FRMPD4: variants seen among roughly 807,000 people sequenced by gnomAD.
FRMPD4 encodes FERM and PDZ domain containing 4, also known as FERM and PDZ domain-containing protein 4.
Under a neutral mutation model 94.1 loss-of-function variants are expected in FRMPD4, and 22 were observed. The ratio of observed to expected loss-of-function variants is 0.23; its 90% confidence interval spans 0.17 to 0.33. FRMPD4 has a LOEUF of 0.33. Ranked by LOEUF, FRMPD4 falls within the 10% of genes least tolerant of loss-of-function variation. FRMPD4 has a pLI of 1.00. For synonymous variants in FRMPD4, 631 were observed against 548.6 expected (o/e 1.15, Z -2.10); for missense variants, 1,111 against 1,339.9 (o/e 0.83, Z 2.67).
chrX:11,848,215 T>C (rs780957878), intron 1 of FRMPD4, among the ~76,000 whole-genome samples: 2 of 111,047 alleles, frequency 1.8e-5, no homozygotes, highest in Non-Finnish European at 1.9e-5. Context: ...TCTCTTTTGA[T>C]TTGTTTTGTT....
At chrX:12,677,631 A>G (rs1720241106) in intron 5 of FRMPD4, among the ~76,000 whole-genome samples, 1 of 112,164 alleles carries the variant, frequency 8.9e-6, no homozygotes, top group Admixed American at 9.5e-5. Context: ...TTAGCATTTT[A>G]ATTTCTTTTG....
rs187088708 is a variant in FRMPD4, at chrX:11,857,656, G to A, written c.-160-7430G>A. On this transcript the variant is annotated intron_variant, in intron 1 of 18. Coordinates refer to the FRMPD4 transcript ENST00000640291. ...AATACCATTCAGGACATAGGCACAG[G>A]CAAAGATTTCATGACAATGCTAAAA... is the stretch of plus-strand genomic sequence containing the variant. Among the ~76,000 whole-genome samples, 25 of 112,848 alleles carry A rather than the reference G, an allele frequency of 2.2e-4. No individual in the cohort carries two copies. In the Middle Eastern group the frequency reaches 0.014, roughly 62 times the overall value.
At chrX:12,102,324 A>G (rs373890446) in intron 3 of FRMPD4, among the ~76,000 whole-genome samples, 2 of 111,983 alleles carry the variant, frequency 1.8e-5, no homozygotes, top group African/African-American at 3.2e-5. Context: ...CCAGAATACA[A>G]TCATACAAAA....
intron 4 of FRMPD4, among the ~76,000 whole-genome samples, chrX:12,630,459 A>C (rs915818493): frequency 8.9e-6 from 1 of 112,465 alleles, no homozygotes; most frequent in Non-Finnish European, 1.9e-5. Flanking sequence ...ATGAAGCTTA[A>C]AGAGACCAAC....
intron 3 of FRMPD4, among the ~76,000 whole-genome samples, chrX:11,921,864 G>T (rs1221704742): frequency 2.7e-5 from 3 of 112,075 alleles, no homozygotes; most frequent in African/African-American, 6.5e-5. Context: ...TTTGTTTCTT[G>T]CTTAGTTACA....
intron 1 of FRMPD4, among the ~76,000 whole-genome samples, chrX:12,446,490 G>A (rs1483856316): frequency 8.9e-6 from 1 of 112,022 alleles, no homozygotes; most frequent in Non-Finnish European, 1.9e-5. Flanking sequence ...AATCAAAGAG[G>A]CTCTCATCTT....
At chrX:12,700,653 C>T (rs1201824852) in intron 9 of FRMPD4, among the ~76,000 whole-genome samples, 4 of 112,416 alleles carry the variant, frequency 3.6e-5, no homozygotes, top group African/African-American at 9.7e-5. Context: ...CTTGAAAAAG[C>T]AGGGCAGTTG....
chrX:12,156,966 A>G (rs988856074), intron 1 of FRMPD4, among the ~76,000 whole-genome samples: 1 of 112,170 alleles, frequency 8.9e-6, no homozygotes, highest in African/African-American at 3.2e-5. Flanking sequence ...ATATATACTG[A>G]ATATTCACAC....
At chrX:12,139,923 G>A (rs1350107326) in intron 1 of FRMPD4, among the ~76,000 whole-genome samples, 1 of 111,822 alleles carries the variant, frequency 8.9e-6, no homozygotes, top group Non-Finnish European at 1.9e-5. Context: ...TAGACAGTTG[G>A]GTTTTTCCAG....
Position 12,721,138 on chromosome X carries a change from G to A in FRMPD4, c.4569G>A (p.Glu1523=). Residue 1523 remains glutamate (E), a synonymous_variant, in exon 17 of 17, where the codon GAG becomes GAA. Transcript: ENST00000675598. ...EDGEEEEERG[E]ATVQVSCLYR... is the part of the protein sequence containing the mutation. ...GTGAGGAAGAAGAGGAGAGGGGAGA[G>A]GCCACCGTCCAGGTCTCTTGCCTCT... is the stretch of plus-strand genomic sequence containing the variant. 1 of 756,972 alleles carries A rather than the reference G, an allele frequency of 1.3e-6. No homozygotes were observed. Among genetic ancestry groups the A allele is most frequent in the East Asian group, 1.5e-4 (1 of 6,632 alleles). 62.4% of individuals were successfully genotyped at this position (756,972 alleles called of 1,213,427 possible).
In FRMPD4 at chrX:12,118,039, C is replaced by T. The variant is rs1190203566; in HGVS notation, c.95+240021C>T. On this transcript the variant is annotated intron_variant, in intron 3 of 18. Coordinates refer to the FRMPD4 transcript ENST00000640291. ...TTTAAAATACCTTTAATGTAACATA[C>T]ATACAATGGTTAGGAAAAAGAAGCA... 2.7e-5 allele frequency among the ~76,000 whole-genome samples: 3 copies of T among 111,306 alleles called. No individual in the cohort carries two copies. In the East Asian group the frequency reaches 8.4e-4, roughly 31 times the overall value.
chrX:12,707,034 T>A, intron 12 of FRMPD4, 119 bp downstream of exon 12: 1 of 416,712 alleles, frequency 2.4e-6, no homozygotes, highest in South Asian at 5.4e-5. Context: ...TCTAACCAAC[T>A]TCACAACAGT....
At chrX:12,474,164 T>C (rs916064820) in intron 1 of FRMPD4, among the ~76,000 whole-genome samples, 1 of 108,296 alleles carries the variant, frequency 9.2e-6, no homozygotes, top group African/African-American at 3.6e-5. Context: ...AGAAACTCAC[T>C]CAAAACCAAC....
chrX:12,622,015 A>AAGGAAGGAAGG (rs1555995989), intron 4 of FRMPD4, among the ~76,000 whole-genome samples: 2 of 22,006 alleles, frequency 9.1e-5, no homozygotes, highest in East Asian at 1.3e-3. Flanking sequence ...AGAAAGAAAG[A>AAGGAAGGAAGG]AAGGAAGGAA....
intron 1 of FRMPD4, among the ~76,000 whole-genome samples, chrX:12,208,728 C>G (rs1202513726): frequency 9.0e-6 from 1 of 111,435 alleles, no homozygotes; most frequent in Non-Finnish European, 1.9e-5. Flanking sequence ...TAGTAATGAA[C>G]CTTAGTAATT....
At chrX:12,433,843 A>T (rs1355410081) in intron 1 of FRMPD4, among the ~76,000 whole-genome samples, 1 of 112,270 alleles carries the variant, frequency 8.9e-6, no homozygotes, top group African/African-American at 3.2e-5. Context: ...CCTGAAAAAA[A>T]ATCAGGGAAA....
At chrX:12,151,570 T>C (rs1162825603) in intron 1 of FRMPD4, among the ~76,000 whole-genome samples, 1 of 112,203 alleles carries the variant, frequency 8.9e-6, no homozygotes, top group Non-Finnish European at 1.9e-5. Context: ...TGTAAAAAGT[T>C]CTGAATATAT....
intron 1 of FRMPD4, among the ~76,000 whole-genome samples, chrX:11,850,350 G>C (rs1195997432): frequency 1.8e-5 from 2 of 112,337 alleles, no homozygotes; most frequent in Non-Finnish European, 3.8e-5. Flanking sequence ...ACTGTTAGTG[G>C]GAATGTAAAA....
intron 2 of FRMPD4, among the ~76,000 whole-genome samples, chrX:12,578,507 C>T (rs955111691): frequency 2.7e-5 from 3 of 110,740 alleles, no homozygotes; most frequent in African/African-American, 6.6e-5. Flanking sequence ...ATAGAAAATC[C>T]GTGTCTATTG....
Sources: allele counts gnomAD v4.1 joint callset (sites outside exome capture counted in the v4.1 genomes callset), GRCh38; gene constraint gnomAD v4.1.1; transcripts MANE v1.5; gene names NCBI Gene and HGNC (gene_info 2026-07-23, HGNC 2026-07-21).